LRRC27: variants seen among roughly 807,000 people sequenced by gnomAD.
LRRC27 encodes the protein leucine rich repeat containing 27, also known as leucine-rich repeat-containing protein 27.
LRRC27 carries 57 observed loss-of-function variants against 55.0 expected under a neutral mutation model. That is an observed-to-expected ratio of 1.04 (90% CI 0.84 to 1.29). The LOEUF (loss-of-function observed/expected upper bound fraction) is 1.29, where lower values mean the gene tolerates loss of function less well. Among genes scored for constraint, LRRC27 ranks in the 50% most tolerant of loss-of-function variants. LRRC27 has a pLI of 0.00. For missense variants in LRRC27, 721 were observed against 651.5 expected (o/e 1.11, Z -1.16); for synonymous variants, 278 against 251.9 (o/e 1.10, Z -0.98).
chr10:132,365,620 G>T (rs1258000646), intron 10 of LRRC27, 70 bp downstream of exon 10: 3 of 1,551,862 alleles, frequency 1.9e-6, no homozygotes, highest in Non-Finnish European at 2.6e-6. Flanking sequence ...TTGTTTTTTT[G>T]AGACAGAGTC....
intron 3 of LRRC27, among the ~76,000 whole-genome samples, chr10:132,338,771 G>A (rs866479174): frequency 1.2e-4 from 18 of 149,040 alleles, no homozygotes; most frequent in African/African-American, 4.2e-4. Flanking sequence ...GTGCAGTGGC[G>A]TGATCTCGGC....
Position 132,333,741 on chromosome 10 carries a change from G to A in LRRC27, c.210+7G>A, listed in dbSNP as rs1361934904. The A allele has an allele frequency of 6.2e-7, 1 of 1,610,450 alleles. No homozygotes were observed. The highest frequency in any genetic ancestry group is 8.5e-7 in the Non-Finnish European group (1 of 1,178,960). ...TAGAATCCCCAGCCTTCAAGTAAGTGGGGCTGCTCCTCAGGCTGTGTGCCC... is the reference window on the plus strand; with the variant it reads ...TAGAATCCCCAGCCTTCAAGTAAGTAGGGCTGCTCCTCAGGCTGTGTGCCC... On this transcript the variant is annotated splice_region_variant and intron_variant, in intron 2 of 10. Transcript: ENST00000368614.
chr10:132,360,399 A>G (rs1412614627), intron 8 of LRRC27, among the ~76,000 whole-genome samples: 2 of 152,086 alleles, frequency 1.3e-5, no homozygotes, highest in Non-Finnish European at 2.9e-5. Context: ...CCCGGCCAGG[A>G]TTTAGCATTT....
chr10:132,351,309 G>T (rs964111403), intron 6 of LRRC27: 5 of 335,344 alleles, frequency 1.5e-5, no homozygotes, highest in Non-Finnish European at 2.9e-5. Context: ...GGGTGCAGCT[G>T]CCGAGGCTGC....
At position 132,375,310 on chromosome 10, in the gene LRRC27, G is replaced by T. The variant is rs530740283; in HGVS notation, c.*68G>T. 2 of 1,467,588 alleles carry T rather than the reference G, an allele frequency of 1.4e-6. No individual in the cohort carries two copies. Among genetic ancestry groups the T allele is most frequent in the South Asian group, 1.3e-5 (1 of 78,400 alleles). The allele number at this position is 1,467,588 out of a possible 1,614,324, so 90.9% of individuals were successfully genotyped here. ...CGCTCAGTCTTCTTTCCCGGGCGTC[G>T]CCTCCTGTGTGGTGCCGGAAGAGCG... On this transcript the variant is annotated 3_prime_UTR_variant, in exon 11 of 11. Transcript: ENST00000368614.
chr10:132,345,023 G>A (rs565106014), intron 5 of LRRC27, among the ~76,000 whole-genome samples: 21 of 152,300 alleles, frequency 1.4e-4, no homozygotes, highest in African/African-American at 3.4e-4. Flanking sequence ...TATTCCTAAC[G>A]AGGTACAAGA....
intron 6 of LRRC27, chr10:132,349,141 C>A: frequency 1.1e-6 from 1 of 936,740 alleles, no homozygotes; most frequent in Non-Finnish European, 1.7e-6. Context: ...GAGAATGCTG[C>A]AAAATAACAA....
chr10:132,331,905 G>T, upstream of LRRC27: 1 of 874,514 alleles, frequency 1.1e-6, no homozygotes, highest in East Asian at 2.9e-5. Flanking sequence ...CCCCCGCGCA[G>T]GCGCACCACA....
In LRRC27 at chr10:132,379,133, A is replaced by T. The variant is rs531823262; in HGVS notation, c.*3891A>T. 2.4e-5 allele frequency: 3 copies of T among 124,358 alleles called. No individual in the cohort carries two copies. The highest frequency in any genetic ancestry group is 3.3e-5 in the Non-Finnish European group (2 of 60,320). The allele number at this position is 124,358 out of a possible 1,614,324, so 7.7% of individuals were successfully genotyped here. A position where few individuals can be genotyped will look rare whatever the true frequency, so the allele number is the denominator to read the frequency against. ...AGATCCCATCCTGCTCCTCTCCAGC[A>T]TTTCCTCTCACCTCCGTGTTCTCGG... is the stretch of plus-strand genomic sequence containing the variant. On this transcript the variant is annotated 3_prime_UTR_variant, in exon 11 of 11. Coordinates refer to ENST00000368614, the MANE Select transcript of LRRC27 (RefSeq NM_030626.3).
intron 10 of LRRC27, among the ~76,000 whole-genome samples, chr10:132,368,556 G>A (rs540819527): frequency 1.3e-5 from 2 of 152,344 alleles, no homozygotes; most frequent in African/African-American, 2.4e-5. Flanking sequence ...AAGCAACTCA[G>A]TGGAGAAAGC....
chr10:132,335,449 C>T (rs2067072632), intron 2 of LRRC27, among the ~76,000 whole-genome samples: 1 of 151,720 alleles, frequency 6.6e-6, no homozygotes, highest in African/African-American at 2.4e-5. Flanking sequence ...AGGTTCCTCC[C>T]CCAGATCCTC....
intron 5 of LRRC27, 44 bp from the exon 6 acceptor site, chr10:132,347,940 A>G: frequency 6.5e-7 from 1 of 1,539,538 alleles, no homozygotes; most frequent in Admixed American, 2.1e-5. Context: ...TCACAGAGGG[A>G]TGGCGTTGAT....
chr10:132,362,190 CA>C (rs138048564), intron 9 of LRRC27, among the ~76,000 whole-genome samples: 13,362 of 152,086 alleles, frequency 0.088, 762 homozygotes, highest in African/African-American at 0.17. Flanking sequence ...AGTCCCTGGC[CA>C]GGGGGCGGCC....
chr10:132,375,857 C>T lies in LRRC27; in HGVS notation c.*615C>T, dbSNP rs1337787268. On this transcript the variant is annotated 3_prime_UTR_variant, in exon 11 of 11. Coordinates refer to ENST00000368614, the MANE Select transcript of LRRC27 (RefSeq NM_030626.3). ...TCAGGCTGCCACTCAGTGGACTCCA[C>T]CCCAGGGACACGGCAGGGTCTGCAG... 2 of 152,448 alleles carry T rather than the reference C, an allele frequency of 1.3e-5. No individual in the cohort carries two copies. The highest frequency in any genetic ancestry group is 4.8e-5 in the African/African-American group (2 of 41,448). The allele number at this position is 152,448 out of a possible 1,614,324, so 9.4% of individuals were successfully genotyped here. A position where few individuals can be genotyped will look rare whatever the true frequency, so the allele number is the denominator to read the frequency against.
intron 7 of LRRC27, chr10:132,353,171 G>A: frequency 2.1e-6 from 3 of 1,422,438 alleles, no homozygotes; most frequent in Non-Finnish European, 2.8e-6. Context: ...AGGAGGTCGA[G>A]GAGGAAGGGA....
At chr10:132,331,200 C>CAAAAAAAA (rs35734065), upstream of LRRC27, among the ~76,000 whole-genome samples, 19 of 56,306 alleles carry the variant, frequency 3.4e-4, no homozygotes, top group Non-Finnish European at 4.8e-4. Flanking sequence ...GACTCCACCT[C>CAAAAAAAA]AAAAAAAAAA....
At chr10:132,364,298 C>T (rs1039734572) in intron 9 of LRRC27, among the ~76,000 whole-genome samples, 2 of 147,444 alleles carry the variant, frequency 1.4e-5, no homozygotes, top group Non-Finnish European at 3.0e-5. Flanking sequence ...CGCATGCACC[C>T]ACGCCCGCAC....
intron 2 of LRRC27, chr10:132,336,822 T>C (rs758012691): frequency 5.3e-6 from 4 of 761,430 alleles, no homozygotes; most frequent in East Asian, 2.4e-5. Flanking sequence ...TAAATACATA[T>C]AATAATGTGA....
chr10:132,367,311 C>T (rs547355403), intron 10 of LRRC27, among the ~76,000 whole-genome samples: 1 of 152,282 alleles, frequency 6.6e-6, no homozygotes, highest in East Asian at 1.9e-4. Context: ...TTCTACCAAA[C>T]ATTTAAGGTT....
Sources: allele counts gnomAD v4.1 joint callset (sites outside exome capture counted in the v4.1 genomes callset), GRCh38; gene constraint gnomAD v4.1.1; transcripts MANE v1.5; gene names NCBI Gene and HGNC (gene_info 2026-07-23, HGNC 2026-07-21).